The following LDLRAD4 variants were observed in gnomAD, a reference collection of about 807,000 sequenced individuals.
LDLRAD4 encodes low density lipoprotein receptor class A domain containing 4.
LDLRAD4 carries 5 observed loss-of-function variants against 17.0 expected under a neutral mutation model. The ratio of observed to expected loss-of-function variants is 0.29; its 90% CI spans 0.15 to 0.62. The LOEUF is 0.62. Among genes scored for constraint, LDLRAD4 ranks in the 20% least tolerant of loss-of-function variants. The probability of loss-of-function intolerance (pLI) is 0.84; values close to 1 mark genes in which losing one functional copy is unlikely to be tolerated. For synonymous variants in LDLRAD4, 168 were observed against 171.8 expected (o/e 0.98, Z 0.17); for missense variants, 340 against 424.7 (o/e 0.80, Z 1.75).
rs370846518 is a variant in LDLRAD4, at chr18:13,344,856, G to A, written c.-382-42485G>A. On this transcript the variant is annotated intron_variant, in intron 1 of 5. Coordinates refer to ENST00000359446, the Ensembl canonical transcript of LDLRAD4. ...CTCTTTGAAGCAATTGTAAATGGGA[G>A]TTCACTCATGATTTGGCTCTCTGTT... Among the ~76,000 whole-genome samples, 10 of 152,286 alleles carry A rather than the reference G, an allele frequency of 6.6e-5. No individual in the cohort carries two copies. The East Asian group carries it at 1.7e-3, about 26-fold the overall frequency.
At chr18:13,608,158 G>GA (rs34472703) in intron 3 of LDLRAD4, among the ~76,000 whole-genome samples, 5 of 147,424 alleles carry the variant, frequency 3.4e-5, no homozygotes, top group South Asian at 2.1e-4. Flanking sequence ...ACAAACATAT[G>GA]AAAAAAAAAA....
chr18:13,557,612 G>A (rs1601365757), intron 3 of LDLRAD4, among the ~76,000 whole-genome samples: 1 of 152,326 alleles, frequency 6.6e-6, no homozygotes, highest in Admixed American at 6.5e-5. Context: ...GTGTTAGCCA[G>A]AATGGTCTCG....
intron 3 of LDLRAD4, among the ~76,000 whole-genome samples, chr18:13,483,090 A>G (rs532638382): frequency 5.6e-4 from 85 of 152,166 alleles, no homozygotes; most frequent in Admixed American, 2.6e-3. Flanking sequence ...AGGCCTTTCA[A>G]TCTCCATTGT....
At chr18:13,417,600 T>C (rs2089031406) in intron 2 of LDLRAD4, among the ~76,000 whole-genome samples, 1 of 151,970 alleles carries the variant, frequency 6.6e-6, no homozygotes, top group South Asian at 2.1e-4. Context: ...ACCTGGCTAA[T>C]TTTTTTGTAT....
chr18:13,411,847 T>C (rs565335882), intron 2 of LDLRAD4, among the ~76,000 whole-genome samples: 171 of 152,294 alleles, frequency 1.1e-3, no homozygotes, highest in African/African-American at 3.9e-3. Flanking sequence ...ACCCAAGTTC[T>C]TTTTTGTTTC....
intron 3 of LDLRAD4, chr18:13,620,834 C>G (rs548616776): frequency 4.2e-6 from 2 of 480,616 alleles, no homozygotes; most frequent in East Asian, 6.7e-5. Context: ...AGAGCGGTGA[C>G]ATTGGAGAAA....
At chr18:13,478,006 G>T (rs1414471107) in intron 3 of LDLRAD4, among the ~76,000 whole-genome samples, 2 of 152,162 alleles carry the variant, frequency 1.3e-5, no homozygotes, top group Non-Finnish European at 2.9e-5. Flanking sequence ...TGACTCCTTC[G>T]TCCCCCTCCT....
At chr18:13,566,239 GCTATCCCTTGGCTC>G (rs1323797335) in intron 3 of LDLRAD4, among the ~76,000 whole-genome samples, 10 of 152,234 alleles carry the variant, frequency 6.6e-5, no homozygotes, top group African/African-American at 2.4e-4. Context: ...AGGACAGTAA[GCTATCCCTTGGCTC>G]CTGTTCCTGT....
intron 2 of LDLRAD4, among the ~76,000 whole-genome samples, chr18:13,395,824 C>G (rs2086647442): frequency 6.6e-6 from 1 of 151,816 alleles, no homozygotes; most frequent in Non-Finnish European, 1.5e-5. Flanking sequence ...GCCCTCTGCT[C>G]GTGGGAATCA....
chr18:13,277,933 C>T (rs1234180171), upstream of LDLRAD4, among the ~76,000 whole-genome samples: 1 of 152,188 alleles, frequency 6.6e-6, no homozygotes, highest in Non-Finnish European at 1.5e-5. Flanking sequence ...TAATTCTTCT[C>T]TCTTCCTTCC....
At chr18:13,458,136 G>A (rs2092241913) in intron 3 of LDLRAD4, among the ~76,000 whole-genome samples, 1 of 152,136 alleles carries the variant, frequency 6.6e-6, no homozygotes, top group Non-Finnish European at 1.5e-5. Flanking sequence ...TGCAGAACGC[G>A]CAGGGCCTGG....
chr18:13,310,443 T>C (rs1599310251), intron 1 of LDLRAD4, among the ~76,000 whole-genome samples: 1 of 151,994 alleles, frequency 6.6e-6, no homozygotes, highest in Admixed American at 6.6e-5. Flanking sequence ...TGATAGACGT[T>C]GTGGTTGAAA....
At chr18:13,238,628 A>G (rs1341301113) in intron 1 of LDLRAD4, among the ~76,000 whole-genome samples, 1 of 152,222 alleles carries the variant, frequency 6.6e-6, no homozygotes, top group East Asian at 1.9e-4. Flanking sequence ...CGTGGACTGC[A>G]GAGTCCTGCC....
At chr18:13,559,121 A>G (rs950935531) in intron 3 of LDLRAD4, among the ~76,000 whole-genome samples, 1 of 152,242 alleles carries the variant, frequency 6.6e-6, no homozygotes, top group Non-Finnish European at 1.5e-5. Context: ...GATCTTTGGT[A>G]TCTGTAAAGG....
intron 1 of LDLRAD4, among the ~76,000 whole-genome samples, chr18:13,271,548 C>T (rs1402850630): frequency 1.3e-5 from 2 of 152,160 alleles, no homozygotes; most frequent in Non-Finnish European, 2.9e-5. Flanking sequence ...AGTGTTCTTC[C>T]CCTTGTGATG....
At chr18:13,368,772 G>A (rs1175445573) in intron 1 of LDLRAD4, among the ~76,000 whole-genome samples, 2 of 152,220 alleles carry the variant, frequency 1.3e-5, no homozygotes, top group African/African-American at 4.8e-5. Context: ...TTGATGACTA[G>A]CTTAATTTGC....
intron 1 of LDLRAD4, among the ~76,000 whole-genome samples, chr18:13,306,506 T>C (rs1382690521): frequency 2.0e-5 from 3 of 152,148 alleles, no homozygotes; most frequent in Admixed American, 6.5e-5. Flanking sequence ...TGCCCTCAAA[T>C]AAGACATCTC....
In LDLRAD4 at chr18:13,220,210, C is replaced by T. The variant is rs560960407; in HGVS notation, c.-467+1222C>T. On this transcript the variant is annotated intron_variant, in intron 1 of 5. Transcript: ENST00000399848. ...TTCATTTTGCTATTGACATTGAACA[C>T]AGTGTTAGGAATTAGGGCTGGGAAT... 2.0e-5 allele frequency among the ~76,000 whole-genome samples: 3 copies of T among 152,302 alleles called. No individual in the cohort carries two copies. The East Asian group carries it at 5.8e-4, about 29-fold the overall frequency.
At chr18:13,231,549 T>C (rs922970459) in intron 1 of LDLRAD4, among the ~76,000 whole-genome samples, 8 of 152,208 alleles carry the variant, frequency 5.3e-5, no homozygotes, top group African/African-American at 1.9e-4. Flanking sequence ...TGATTTCATA[T>C]CGAATTGTTT....
Sources: allele counts gnomAD v4.1 joint callset (sites outside exome capture counted in the v4.1 genomes callset), GRCh38; gene constraint gnomAD v4.1.1; transcripts MANE v1.5; gene names NCBI Gene and HGNC (gene_info 2026-07-23, HGNC 2026-07-21).